The following PLXNA4 variants were observed in gnomAD, a reference collection of about 807,000 sequenced individuals.
The protein encoded by PLXNA4 is plexin-A4.
Under a neutral mutation model 191.8 loss-of-function variants are expected in PLXNA4, and 44 were observed. That is an observed-to-expected ratio of 0.23 (90% CI 0.18 to 0.29). The LOEUF (loss-of-function observed/expected upper bound fraction) is 0.29, where lower values mean the gene tolerates loss of function less well. Ranked by LOEUF, PLXNA4 falls within the 10% of genes least tolerant of loss-of-function variation. The pLI is 1.00. For missense variants in PLXNA4, 1,800 were observed against 2,488.8 expected (o/e 0.72, Z 5.89); for synonymous variants, 1,082 against 1,009.5 (o/e 1.07, Z -1.36).
chr7:132,515,434 T>C (rs1027664402), intron 1 of PLXNA4, among the ~76,000 whole-genome samples: 2 of 152,208 alleles, frequency 1.3e-5, no homozygotes, highest in Non-Finnish European at 2.9e-5. Context: ...TTTCTGGCAC[T>C]TGCTGATGTA....
At chr7:132,157,663 G>A (rs1284569262) in intron 25 of PLXNA4, among the ~76,000 whole-genome samples, 1 of 152,142 alleles carries the variant, frequency 6.6e-6, no homozygotes, top group African/African-American at 2.4e-5. Context: ...ACTCTGTCTG[G>A]ACTCTCCTCC....
At chr7:132,306,940 G>A (rs1241027728) in intron 3 of PLXNA4, among the ~76,000 whole-genome samples, 2 of 152,176 alleles carry the variant, frequency 1.3e-5, no homozygotes, top group Non-Finnish European at 1.5e-5. Context: ...AGACAGATGC[G>A]AATACGGGCA....
In PLXNA4 at chr7:132,601,780, A is replaced by T. The variant is rs372668325; in HGVS notation, c.-87+44148T>A. Among the ~76,000 whole-genome samples the T allele has an allele frequency of 3.9e-5, 6 of 152,232 alleles. No homozygotes were observed. The East Asian group carries it at 9.6e-4, about 24-fold the overall frequency. ...GTTTCTGTCACATGTAGCTGAACAT[A>T]TTAAATGATTAGAATAGAGGGAATA... On this transcript the variant is annotated intron_variant, in intron 2 of 4. Transcript: ENST00000378539.
At chr7:132,247,866 G>T (rs950839849) in intron 4 of PLXNA4, among the ~76,000 whole-genome samples, 3 of 152,170 alleles carry the variant, frequency 2.0e-5, no homozygotes, top group Non-Finnish European at 4.4e-5. Flanking sequence ...TTGCTCAAAG[G>T]GGGCAGGTAT....
chr7:132,551,354 C>T (rs1363445401), intron 1 of PLXNA4, among the ~76,000 whole-genome samples: 1 of 152,144 alleles, frequency 6.6e-6, no homozygotes, highest in Non-Finnish European at 1.5e-5. Context: ...GAGCAAAATC[C>T]CCCCACATAC....
At chr7:132,439,111 T>C (rs7794990) in intron 3 of PLXNA4, among the ~76,000 whole-genome samples, 112,720 of 152,136 alleles carry the variant, frequency 0.74, 45,487 homozygotes, top group Non-Finnish European at 0.91. Context: ...CTCTTTTTTT[T>C]CCTCAGGCCT....
chr7:132,647,845 ACACT>A (rs1014145059), intron 1 of PLXNA4, among the ~76,000 whole-genome samples: 2 of 151,812 alleles, frequency 1.3e-5, no homozygotes, highest in East Asian at 1.9e-4. Flanking sequence ...TCATAAACAC[ACACT>A]ATCATATACA....
At chr7:132,544,143 C>G (rs547787642) in intron 1 of PLXNA4, among the ~76,000 whole-genome samples, 33 of 152,170 alleles carry the variant, frequency 2.2e-4, no homozygotes, top group Admixed American at 6.5e-5. Context: ...GTAGCTCAGA[C>G]AAGGGAAAGA....
chr7:132,239,822 C>T (rs1184951315), intron 5 of PLXNA4, among the ~76,000 whole-genome samples: 2 of 152,148 alleles, frequency 1.3e-5, no homozygotes, highest in African/African-American at 2.4e-5. Context: ...AGACTGGGCA[C>T]GTTCAGGGTG....
intron 4 of PLXNA4, among the ~76,000 whole-genome samples, chr7:132,288,422 T>C (rs1045072424): frequency 3.2e-4 from 49 of 152,246 alleles, no homozygotes; most frequent in Non-Finnish European, 5.6e-4. Flanking sequence ...AATGACATTC[T>C]GGAACCTTCA....
At chr7:132,644,291 A>G (rs1585425957) in intron 2 of PLXNA4, among the ~76,000 whole-genome samples, 1 of 152,194 alleles carries the variant, frequency 6.6e-6, no homozygotes, top group South Asian at 2.1e-4. Context: ...CTTAGCTTGA[A>G]ATCTTGGCTT....
At chr7:132,304,943 C>T (rs1016507331) in intron 3 of PLXNA4, among the ~76,000 whole-genome samples, 6 of 152,220 alleles carry the variant, frequency 3.9e-5, no homozygotes, top group Non-Finnish European at 5.9e-5. Context: ...AGTCAGAATG[C>T]TGCTGCATGG....
intron 10 of PLXNA4, among the ~76,000 whole-genome samples, chr7:132,206,280 T>C (rs891503902): frequency 6.6e-6 from 1 of 152,240 alleles, no homozygotes; most frequent in East Asian, 1.9e-4. Context: ...TATTTTAGTC[T>C]ATGTGCATGC....
At chr7:132,542,728 C>T (rs1012341199) in intron 1 of PLXNA4, among the ~76,000 whole-genome samples, 44 of 152,276 alleles carry the variant, frequency 2.9e-4, no homozygotes, top group Admixed American at 7.2e-4. Flanking sequence ...GCCCACTGCC[C>T]TACTTCATTA....
rs144276983 is a variant in PLXNA4 at position 132,390,445 on chromosome 7, G to A, written c.1372-92223C>T. 6.7e-3 allele frequency among the ~76,000 whole-genome samples: 1,018 copies of A among 152,160 alleles called. 7 individuals carry two copies. Among genetic ancestry groups the A allele is most frequent in the Middle Eastern group, 0.037 (11 of 294 alleles). Reference sequence around the variant, plus strand: ...GGTCGGGGGCTAGGGAAGGGATAGCGTTAGGGGAAAACCTAATGTAGATGA... The same window carrying A: ...GGTCGGGGGCTAGGGAAGGGATAGCATTAGGGGAAAACCTAATGTAGATGA... On this transcript the variant is annotated intron_variant, in intron 3 of 31. Coordinates refer to ENST00000321063, the MANE Select transcript of PLXNA4 (RefSeq NM_020911.2).
At chr7:132,364,904 G>A (rs142071925) in intron 3 of PLXNA4, among the ~76,000 whole-genome samples, 39 of 152,322 alleles carry the variant, frequency 2.6e-4, no homozygotes, top group African/African-American at 9.1e-4. Context: ...AAACAGGAAT[G>A]CATGCCTTAT....
intron 3 of PLXNA4, among the ~76,000 whole-genome samples, chr7:132,320,022 A>G (rs1802101763): frequency 1.3e-5 from 2 of 152,180 alleles, no homozygotes; most frequent in Non-Finnish European, 2.9e-5. Context: ...CTGGAGCTGC[A>G]CCTACAGACA....
At chr7:132,558,882 T>C (rs1359503991) in intron 1 of PLXNA4, among the ~76,000 whole-genome samples, 1 of 152,196 alleles carries the variant, frequency 6.6e-6, no homozygotes, top group Non-Finnish European at 1.5e-5. Context: ...AAGGGGAAAG[T>C]GTAGGGATTC....
intron 3 of PLXNA4, among the ~76,000 whole-genome samples, chr7:132,371,907 A>G (rs988759915): frequency 6.6e-6 from 1 of 152,230 alleles, no homozygotes; most frequent in African/African-American, 2.4e-5. Flanking sequence ...TTGATTGGGA[A>G]GGTAAGCCTG....
Sources: gnomAD v4.1 joint callset for allele counts (sites outside exome capture counted in the v4.1 genomes callset) on GRCh38, gnomAD v4.1.1 for gene constraint, MANE v1.5 for transcripts, NCBI Gene and HGNC (gene_info 2026-07-23, HGNC 2026-07-21) for gene names.